Variants in TOGARAM1 observed in about 807,000 individuals in gnomAD.
TOGARAM1 encodes TOG array regulator of axonemal microtubules protein 1.
In TOGARAM1, 100 loss-of-function variants were observed where a neutral mutation model predicts 166.6. The ratio of observed to expected loss-of-function variants is 0.60; its 90% CI spans 0.51 to 0.71. The LOEUF is 0.71. Among genes scored for constraint, TOGARAM1 ranks in the 30% least tolerant of loss-of-function variants. The pLI is 0.00. For missense variants in TOGARAM1, 2,029 were observed against 2,102.7 expected (o/e 0.96, Z 0.69); for synonymous variants, 758 against 763.8 (o/e 0.99, Z 0.13).
chr14:45,054,427 G>A lies in TOGARAM1; in HGVS notation c.4441-4G>A, dbSNP rs758088018. 2 of 1,555,296 alleles carry A rather than the reference G, an allele frequency of 1.3e-6. No homozygotes were observed. The highest frequency in any genetic ancestry group is 1.2e-5 in the South Asian group (1 of 85,044). ...TATTATACTAATTTTATATTTACTT[G>A]CAGGGTTTGGGGGAGATACCATTAG... is the stretch of plus-strand genomic sequence containing the variant. On this transcript the variant is annotated splice_polypyrimidine_tract_variant and splice_region_variant and intron_variant, in intron 15 of 19. Coordinates refer to ENST00000361462, the MANE Select transcript of TOGARAM1 (RefSeq NM_001308120.2).
chr14:45,028,155 A>G, intron 9 of TOGARAM1, 21 bp from the exon 10 acceptor site: 1 of 1,553,568 alleles, frequency 6.4e-7, no homozygotes, highest in East Asian at 2.3e-5. Context: ...ATATTTTCAG[A>G]CTTTCAACTT....
At chr14:44,997,390 G>A (rs1488763985) in intron 2 of TOGARAM1, 3 of 80,520 alleles carry the variant, frequency 3.7e-5, no homozygotes, top group East Asian at 4.1e-4. Context: ...TGGCAACAAA[G>A]CAAGACTCCA....
In TOGARAM1 at chr14:44,962,235, G is replaced by A. The variant is rs1008449195; in HGVS notation, c.-187G>A. 4.9e-5 allele frequency: 30 copies of A among 616,234 alleles called. No homozygotes were observed. Among genetic ancestry groups the A allele is most frequent in the Admixed American group, 1.4e-4 (4 of 29,186 alleles). 38.2% of individuals were successfully genotyped at this position (616,234 alleles called of 1,614,324 possible). ...CCCGGTGGCAGCTGTGGGGTCTAGG[G>A]CTCAGACGGGGGCCATTTTGCCAGA... On this transcript the variant is annotated 5_prime_UTR_variant, in exon 1 of 20. Transcript: ENST00000361462.
In TOGARAM1 at chr14:45,068,576, G is replaced by A. The variant is rs757683600; in HGVS notation, c.4902G>A (p.Leu1634=). ...TTCCAGCAATAGTGGATAACAATCT[G>A]AATTCCAAGAATCCAGGCATCTATG... ...MLIPAIVDNN[L]NSKNPGIYAA... Residue 1634 remains leucine (L), a synonymous_variant, in exon 18 of 20, where the codon CTG becomes CTA. Coordinates refer to ENST00000361462, the MANE Select transcript of TOGARAM1 (RefSeq NM_001308120.2). The A allele has an allele frequency of 6.2e-7, 1 of 1,613,124 alleles. No homozygotes were observed. The highest frequency in any genetic ancestry group is 1.1e-5 in the South Asian group (1 of 90,910).
At chr14:45,024,964 CT>C (rs1458791468) in intron 7 of TOGARAM1, among the ~76,000 whole-genome samples, 1 of 152,120 alleles carries the variant, frequency 6.6e-6, no homozygotes, top group Admixed American at 6.5e-5. Context: ...ATACATTCAT[CT>C]AACATATATT....
intron 11 of TOGARAM1, among the ~76,000 whole-genome samples, chr14:45,036,130 TAAA>T (rs770145117): frequency 0.051 from 1,489 of 28,934 alleles, 17 homozygotes; most frequent in African/African-American, 0.12. Flanking sequence ...ACCTTGTCTC[TAAA>T]AAAAAAAAAA....
intron 13 of TOGARAM1, among the ~76,000 whole-genome samples, chr14:45,045,942 A>G (rs145051781): frequency 2.5e-3 from 385 of 151,838 alleles, no homozygotes; most frequent in African/African-American, 8.9e-3. Context: ...TGGTAGATCT[A>G]CTTTTAGCTC....
intron 6 of TOGARAM1, among the ~76,000 whole-genome samples, chr14:45,010,596 G>A (rs1879730021): frequency 6.6e-6 from 1 of 152,116 alleles, no homozygotes; most frequent in African/African-American, 2.4e-5. Context: ...TTCTCACTGA[G>A]TTATTCTCTT....
At chr14:45,019,926 C>T (rs1055496837) in intron 7 of TOGARAM1, among the ~76,000 whole-genome samples, 5 of 152,054 alleles carry the variant, frequency 3.3e-5, no homozygotes, top group South Asian at 4.1e-4. Context: ...GAGATTTCCT[C>T]GGGAGGGGTG....
intron 3 of TOGARAM1, among the ~76,000 whole-genome samples, chr14:45,000,686 A>G (rs1887654459): frequency 6.6e-6 from 1 of 152,160 alleles, no homozygotes; most frequent in Non-Finnish European, 1.5e-5. Context: ...CCTCTTTGAT[A>G]TACTGATTTC....
At chr14:45,052,698 A>T in intron 15 of TOGARAM1, 136 bp downstream of exon 15, 1 of 753,568 alleles carries the variant, frequency 1.3e-6, no homozygotes, top group Non-Finnish European at 2.0e-6. Context: ...TATCTGCAAT[A>T]GCATTTCAAC....
chr14:45,046,453 TACAA>T, intron 13 of TOGARAM1, 88 bp from the exon 14 acceptor site: 1 of 1,161,660 alleles, frequency 8.6e-7, no homozygotes, highest in South Asian at 4.4e-5. Context: ...AAAACCAAAA[TACAA>T]ACAAACAAAA....
chr14:44,988,020 T>C (rs1886934108), intron 1 of TOGARAM1, among the ~76,000 whole-genome samples: 1 of 149,568 alleles, frequency 6.7e-6, no homozygotes, highest in Non-Finnish European at 1.5e-5. Context: ...AAACCAAACA[T>C]CACATGTTCT....
At position 45,006,127 on chromosome 14, in the gene TOGARAM1, C is replaced by T; in HGVS notation, c.2764C>T (p.Leu922Phe). ...PVPPIPRGIS[L>F]LPDKADLSTV... ...TCCTCCCATACCAAGGGGAATAAGC[C>T]TTTTGCCTGATAAAGCTGATTTAAG... The change falls in exon 5 of 20, where the codon CTT (leucine) becomes TTT (phenylalanine). Residue 922 changes from leucine (L) to phenylalanine (F), a missense_variant. Around this residue, in one of 2 missense-constraint regions of TOGARAM1, gnomAD observed 1,453 missense variants for 1,432.2 expected, o/e 1.01. Coordinates refer to ENST00000361462, the MANE Select transcript of TOGARAM1 (RefSeq NM_001308120.2). 1 of 1,614,020 alleles carries T rather than the reference C, an allele frequency of 6.2e-7. No homozygotes were observed. Among genetic ancestry groups the T allele is most frequent in the Non-Finnish European group, 8.5e-7 (1 of 1,179,970 alleles).
intron 16 of TOGARAM1, among the ~76,000 whole-genome samples, chr14:45,056,126 C>G (rs542511906): frequency 6.6e-6 from 1 of 151,686 alleles, no homozygotes; most frequent in Non-Finnish European, 1.5e-5. Flanking sequence ...TATTTTATTT[C>G]TTTTTTAGTT....
chr14:44,971,516 C>T (rs1161087685), intron 1 of TOGARAM1, among the ~76,000 whole-genome samples: 1 of 151,988 alleles, frequency 6.6e-6, no homozygotes, highest in Non-Finnish European at 1.5e-5. Flanking sequence ...TGTTGATTTT[C>T]TGTTGATTTC....
Position 45,005,981 on chromosome 14 carries a change from AAAGTAAAATATCTATTTTTC to A in TOGARAM1, c.2645-25_2645-6del. On this transcript the variant is annotated splice_polypyrimidine_tract_variant and splice_region_variant and intron_variant, in intron 4 of 19. Transcript: ENST00000361462. Reference sequence around the variant, plus strand: ...CTCTTCTCTAAAATTAGAAAAAGAAAAAGTAAAATATCTATTTTTCATGCAGGAGAAAATTCTCAAGAAAA... The same window carrying A: ...CTCTTCTCTAAAATTAGAAAAAGAAAATGCAGGAGAAAATTCTCAAGAAAA... The A allele has an allele frequency of 2.0e-6, 3 of 1,520,498 alleles. No individual in the cohort carries two copies. Among genetic ancestry groups the A allele is most frequent in the Non-Finnish European group, 2.6e-6 (3 of 1,133,526 alleles). The allele number at this position is 1,520,498 out of a possible 1,614,324, so 94.2% of individuals were successfully genotyped here.
At chr14:44,998,938 C>T (rs1401170535) in intron 2 of TOGARAM1, among the ~76,000 whole-genome samples, 1 of 151,646 alleles carries the variant, frequency 6.6e-6, no homozygotes, top group Non-Finnish European at 1.5e-5. Context: ...GAGGTTGCAG[C>T]GGTTGCAGTG....
chr14:45,024,983 T>C (rs1036894424), intron 7 of TOGARAM1, among the ~76,000 whole-genome samples: 2 of 152,204 alleles, frequency 1.3e-5, no homozygotes, highest in Non-Finnish European at 2.9e-5. Flanking sequence ...ATTTATGGAA[T>C]ACCTGGTATG....
Sources: gnomAD v4.1 joint callset for allele counts (sites outside exome capture counted in the v4.1 genomes callset) on GRCh38, gnomAD v4.1.1 for gene constraint, gnomAD v4.1.1 regional missense constraint, MANE v1.5 for transcripts, NCBI Gene and HGNC (gene_info 2026-07-23, HGNC 2026-07-21) for gene names.